The following KLRG2 variants were observed in gnomAD, a reference collection of about 807,000 sequenced individuals.
KLRG2 encodes killer cell lectin-like receptor subfamily G member 2.
Under a neutral mutation model 35.4 loss-of-function variants are expected in KLRG2, and 39 were observed. The ratio of observed to expected loss-of-function variants is 1.10; its 90% CI spans 0.85 to 1.44. The LOEUF (loss-of-function observed/expected upper bound fraction) is 1.44. Among genes scored for constraint, KLRG2 ranks in the 40% most tolerant of loss-of-function variants. The pLI is 0.00. For missense variants in KLRG2, 632 were observed against 570.9 expected (o/e 1.11, Z -1.09); for synonymous variants, 283 against 265.8 (o/e 1.06, Z -0.63).
At chr7:139,480,059 TA>T in intron 2 of KLRG2, 86 bp downstream of exon 2, 1 of 960,172 alleles carries the variant, frequency 1.0e-6, no homozygotes, top group African/African-American at 1.6e-5. Context: ...TGTCTCTTTC[TA>T]ATTCTAAGGT....
rs753968050 is a variant in KLRG2 at position 139,479,787 on chromosome 7, A to G, written c.860-15T>C. ...GCATCTGGCTCCTGCAAGCACAGAG[A>G]CTGCTGGTGAGCTGCAGGGTAAGCT... On this transcript the variant is annotated splice_polypyrimidine_tract_variant and intron_variant, in intron 2 of 4. Coordinates refer to ENST00000340940, the MANE Select transcript of KLRG2 (RefSeq NM_198508.4). 6.2e-7 allele frequency: 1 copy of G among 1,611,516 alleles called. No homozygotes were observed. Among genetic ancestry groups the G allele is most frequent in the Non-Finnish European group, 8.5e-7 (1 of 1,178,688 alleles).
At chr7:139,436,779 G>A in the KLRG2 span, among the ~76,000 whole-genome samples, 1 of 152,220 alleles carries the variant, frequency 6.6e-6, no homozygotes, top group East Asian at 1.9e-4. Context: ...CTAATGTACT[G>A]GGTCATTGTG....
chr7:139,445,802 T>TATATATATATAC, the KLRG2 span, among the ~76,000 whole-genome samples: 1 of 140,530 alleles, frequency 7.1e-6, no homozygotes, highest in African/African-American at 3.1e-5. Context: ...TGTGTGTATA[T>TATATATATATAC]ATATATGACG....
In KLRG2 at chr7:139,454,271, G is replaced by GA. The variant is rs1006138593; in HGVS notation, c.1006-58_1006-57insT. 8 of 840,538 alleles carry GA rather than the reference G, an allele frequency of 9.5e-6. No individual in the cohort carries two copies. In the Admixed American group the frequency reaches 1.4e-4, roughly 15 times the overall value. The allele number at this position is 840,538 out of a possible 1,614,324, so 52.1% of individuals were successfully genotyped here. On this transcript the variant is annotated intron_variant, in intron 3 of 4. Coordinates refer to ENST00000340940, the MANE Select transcript of KLRG2 (RefSeq NM_198508.4). ...TGGACACTGGCGTGGCTTGCCTGGG[G>GA]CGTACGGATTCCCTGGGGCTTCCAC... is the stretch of plus-strand genomic sequence containing the variant.
chr7:139,478,445 G>C (rs988387525), intron 3 of KLRG2, among the ~76,000 whole-genome samples: 69 of 151,664 alleles, frequency 4.5e-4, no homozygotes, highest in Middle Eastern at 3.5e-3. Context: ...CGAGGCGGGC[G>C]GATTACCTGA....
intron 3 of KLRG2, among the ~76,000 whole-genome samples, chr7:139,472,472 C>T (rs1299935601): frequency 2.6e-5 from 4 of 151,276 alleles, no homozygotes; most frequent in East Asian, 1.9e-4. Flanking sequence ...AAGCTGAGTG[C>T]GGTGGCTCAT....
intron 3 of KLRG2, among the ~76,000 whole-genome samples, chr7:139,472,746 T>C (rs567046169): frequency 1.2e-3 from 183 of 152,234 alleles, no homozygotes; most frequent in African/African-American, 4.0e-3. Context: ...CCAATTTGAA[T>C]TGAGAAGCCC....
chr7:139,455,907 T>C (rs181516477), intron 3 of KLRG2, among the ~76,000 whole-genome samples: 3 of 152,094 alleles, frequency 2.0e-5, no homozygotes, highest in Admixed American at 2.0e-4. Flanking sequence ...AATCAAGAAA[T>C]AACAAGGTAA....
chr7:139,470,063 C>CT (rs558355010), intron 3 of KLRG2, among the ~76,000 whole-genome samples: 2,740 of 143,588 alleles, frequency 0.019, 74 homozygotes, highest in African/African-American at 0.063. Flanking sequence ...GTAAGCAATT[C>CT]TTTTTTTTTT....
chr7:139,434,198 T>G, the KLRG2 span, among the ~76,000 whole-genome samples: 310 of 152,370 alleles, frequency 2.0e-3, 4 homozygotes, highest in African/African-American at 7.2e-3. Context: ...TTTTTATTGC[T>G]TGTCAAGTAC....
At chr7:139,429,795 T>C in the KLRG2 span, among the ~76,000 whole-genome samples, 5 of 152,306 alleles carry the variant, frequency 3.3e-5, no homozygotes, top group South Asian at 4.1e-4. Flanking sequence ...CGGCAACCAT[T>C]CGATTTCTCA....
the KLRG2 span, among the ~76,000 whole-genome samples, chr7:139,445,799 A>ATATATATATATATG: frequency 7.4e-6 from 1 of 134,626 alleles, no homozygotes; most frequent in African/African-American, 3.6e-5. Context: ...ATATGTGTGT[A>ATATATATATATATG]TATATATATG....
chr7:139,451,873 T>C (rs894854578), downstream of KLRG2, among the ~76,000 whole-genome samples: 1 of 151,660 alleles, frequency 6.6e-6, no homozygotes, highest in Admixed American at 6.6e-5. Flanking sequence ...GGCGGTAACA[T>C]ACACAGCTTC....
At chr7:139,452,205 T>A (rs1206421490), downstream of KLRG2, among the ~76,000 whole-genome samples, 2 of 152,098 alleles carry the variant, frequency 1.3e-5, no homozygotes, top group African/African-American at 4.8e-5. Flanking sequence ...CTCGAACTCC[T>A]GACCTTGTGA....
chr7:139,483,001 G>A lies in KLRG2; in HGVS notation c.642C>T (p.Gly214=), dbSNP rs985802570. ...SPAEGSAGSP[G]SPTCCRCKEL... ...CCTTGCAGCGGCAGCACGTGGGGGA[G>A]CCCGGGGAGCCGGCGCTTCCTTCCG... is the stretch of plus-strand genomic sequence containing the variant. The change falls in exon 1 of 5, where the codon GGC becomes GGT. Residue 214 remains glycine, a synonymous_variant. Transcript: ENST00000340940. 1.7e-5 allele frequency: 23 copies of A among 1,378,968 alleles called. No individual in the cohort carries two copies. Among genetic ancestry groups the A allele is most frequent in the Non-Finnish European group, 2.0e-5 (21 of 1,074,558 alleles). The allele number at this position is 1,378,968 out of a possible 1,614,324, so 85.4% of individuals were successfully genotyped here.
rs1280210879 is a variant in KLRG2, at chr7:139,483,160, G to A, written c.483C>T (p.Phe161=). The A allele has an allele frequency of 2.0e-6, 3 of 1,494,076 alleles. No individual in the cohort carries two copies. In the African/African-American group the frequency reaches 4.4e-5, roughly 22 times the overall value. 92.6% of individuals were successfully genotyped at this position (1,494,076 alleles called of 1,614,324 possible). A position where few individuals can be genotyped will look rare whatever the true frequency, so the allele number is the denominator to read the frequency against. Reference sequence around the variant, plus strand: ...GGTGCGCCGGGTCCGCGTGGCGGGAGAAGGCAGGGGACTCGGGCACCGGCA... The same window carrying A: ...GGTGCGCCGGGTCCGCGTGGCGGGAAAAGGCAGGGGACTCGGGCACCGGCA... ...LKVPVPESPA[F]SRHADPAHQL... The change falls in exon 1 of 5, where the codon TTC becomes TTT. Residue 161 remains phenylalanine, a synonymous_variant. Coordinates refer to ENST00000340940, the MANE Select transcript of KLRG2 (RefSeq NM_198508.4).
intron 3 of KLRG2, among the ~76,000 whole-genome samples, chr7:139,465,239 G>C (rs975563570): frequency 4.6e-5 from 7 of 152,300 alleles, no homozygotes; most frequent in African/African-American, 1.7e-4. Context: ...CTTGCAAAAG[G>C]ACTACGCATC....
the KLRG2 span, among the ~76,000 whole-genome samples, chr7:139,435,905 A>G: frequency 6.9e-6 from 1 of 145,032 alleles, no homozygotes; most frequent in African/African-American, 2.5e-5. Context: ...AGGGCCTGTA[A>G]TTTTTTTTTT....
At chr7:139,435,019 T>C in the KLRG2 span, among the ~76,000 whole-genome samples, 2 of 152,186 alleles carry the variant, frequency 1.3e-5, no homozygotes, top group Non-Finnish European at 1.5e-5. Context: ...AAAAAGGTAC[T>C]CAAGGTATCA....
Sources: gnomAD v4.1 joint callset for allele counts (sites outside exome capture counted in the v4.1 genomes callset) on GRCh38, gnomAD v4.1.1 for gene constraint, MANE v1.5 for transcripts, NCBI Gene and HGNC (gene_info 2026-07-23, HGNC 2026-07-21) for gene names.